The following PGBD2 variants were observed in gnomAD, a reference collection of about 807,000 sequenced individuals.
The protein encoded by PGBD2 is piggyBac transposable element-derived protein 2.
Under a neutral mutation model 8.1 loss-of-function variants are expected in PGBD2, and 6 were observed. That is an observed-to-expected ratio of 0.74 (90% CI 0.40 to 1.46). The LOEUF (loss-of-function observed/expected upper bound fraction) is 1.46. PGBD2 is among the 40% of genes most tolerant of loss of function. PGBD2 has a pLI of 0.02. For missense variants in PGBD2, 802 were observed against 739.0 expected, an observed-to-expected ratio of 1.09 and a Z score of -0.99; for synonymous variants, 318 against 272.2, an observed-to-expected ratio of 1.17 and a Z score of -1.66.
At chr1:248,892,064 A>G in the PGBD2 span, among the ~76,000 whole-genome samples, 1 of 152,236 alleles carries the variant, frequency 6.6e-6, no homozygotes, top group African/African-American at 2.4e-5. Context: ...AGTTGAGGAC[A>G]GGCCTGCCTG....
the PGBD2 span, among the ~76,000 whole-genome samples, chr1:248,879,388 A>G: frequency 6.6e-6 from 1 of 152,016 alleles, no homozygotes; most frequent in South Asian, 2.1e-4. Flanking sequence ...TGGCCTTTGA[A>G]TGATCTTTTT....
the PGBD2 span, among the ~76,000 whole-genome samples, chr1:248,898,568 C>A: frequency 6.6e-6 from 1 of 152,300 alleles, no homozygotes; most frequent in South Asian, 2.1e-4. Context: ...TGAGGGAATT[C>A]ATCACCACCA....
At chr1:248,878,384 G>A in the PGBD2 span, among the ~76,000 whole-genome samples, 8 of 151,952 alleles carry the variant, frequency 5.3e-5, no homozygotes, top group Admixed American at 2.6e-4. Flanking sequence ...TCACTATGTT[G>A]GCCAGGCTGG....
At chr1:248,922,015 C>T (rs1012933201), downstream of PGBD2, among the ~76,000 whole-genome samples, 3 of 151,174 alleles carry the variant, frequency 2.0e-5, no homozygotes, top group African/African-American at 7.3e-5. Context: ...TGCCTATCAG[C>T]TTAAGGAGAT....
At chr1:248,913,926 C>T (rs761232746) in intron 2 of PGBD2, 47 bp downstream of exon 2, 7 of 1,552,230 alleles carry the variant, frequency 4.5e-6, no homozygotes, top group Middle Eastern at 3.4e-4. Context: ...ATTTATTCCC[C>T]TATGCTTTTG....
chr1:248,875,308 C>CAAAAAAAAAAAAAAAAAAAAAA, the PGBD2 span, among the ~76,000 whole-genome samples: 85 of 109,942 alleles, frequency 7.7e-4, no homozygotes, highest in Non-Finnish European at 1.0e-3. Context: ...AAAAACAAAA[C>CAAAAAAAAAAAAAAAAAAAAAA]AAAAAAAAAA....
chr1:248,916,070 A>G (rs1413152493), intron 2 of PGBD2, among the ~76,000 whole-genome samples: 1 of 152,168 alleles, frequency 6.6e-6, no homozygotes, highest in African/African-American at 2.4e-5. Flanking sequence ...GGAAGTAGGT[A>G]AGACCCGTTT....
chr1:248,919,984 C>T (rs981239802), downstream of PGBD2: 5 of 152,190 alleles, frequency 3.3e-5, no homozygotes, highest in African/African-American at 1.2e-4. Context: ...TCAAGTGATT[C>T]TCCTGCCTCA....
At chr1:248,896,668 T>G in the PGBD2 span, among the ~76,000 whole-genome samples, 29 of 152,166 alleles carry the variant, frequency 1.9e-4, no homozygotes, top group Non-Finnish European at 3.8e-4. Flanking sequence ...AAATTACTGA[T>G]TAGAAGCAGC....
In PGBD2 at chr1:248,916,984, C is replaced by G; in HGVS notation, c.400C>G (p.Leu134Val). 1 of 1,612,540 alleles carries G rather than the reference C, an allele frequency of 6.2e-7. No homozygotes were observed. The highest frequency in any genetic ancestry group is 8.5e-7 in the Non-Finnish European group (1 of 1,179,638). ...WTASDPHIED[L>V]KSQELSPVGL... Reference sequence around the variant, plus strand: ...TGCATCAGATCCTCATATTGAGGATCTGAAAAGCCAAGAGCTGAGTCCCGT... The same window carrying G: ...TGCATCAGATCCTCATATTGAGGATGTGAAAAGCCAAGAGCTGAGTCCCGT... The change falls in exon 3 of 3, where the codon CTG becomes GTG. Residue 134 changes from leucine (L) to valine (V), a missense_variant. Coordinates refer to ENST00000329291, the MANE Select transcript of PGBD2 (RefSeq NM_170725.3).
rs779346619 is a variant in PGBD2, at chr1:248,919,063, C to G, written c.*700C>G. ...AGGGTAAATGGGGTATCCATCTTGT[C>G]AAACACTTGTCCTTTGTGTTTCAAA... is the stretch of plus-strand genomic sequence containing the variant. On this transcript the variant is annotated 3_prime_UTR_variant, in exon 3 of 3. Coordinates refer to ENST00000329291, the MANE Select transcript of PGBD2 (RefSeq NM_170725.3). 3.8e-4 allele frequency: 63 copies of G among 167,026 alleles called. No individual in the cohort carries two copies. Among genetic ancestry groups the G allele is most frequent in the Non-Finnish European group, 7.8e-4 (53 of 68,108 alleles). The allele number at this position is 167,026 out of a possible 1,614,324, so 10.3% of individuals were successfully genotyped here.
chr1:248,883,750 C>G, the PGBD2 span, among the ~76,000 whole-genome samples: 6 of 151,824 alleles, frequency 4.0e-5, no homozygotes, highest in Non-Finnish European at 7.4e-5. Flanking sequence ...GCGCCCGCCA[C>G]GATGCCCAGC....
intron 1 of PGBD2, among the ~76,000 whole-genome samples, chr1:248,911,643 A>G (rs6697000): frequency 6.9e-4 from 75 of 108,908 alleles, no homozygotes; most frequent in East Asian, 1.5e-3. Context: ...CACACCTCCC[A>G]GACGGGGCGG....
rs1572282372 is a variant in PGBD2, at chr1:248,918,176, C to T, written c.1592C>T (p.Thr531Ile). 1 of 1,614,192 alleles carries T rather than the reference C, an allele frequency of 6.2e-7. No individual in the cohort carries two copies. The highest frequency in any genetic ancestry group is 1.1e-5 in the South Asian group (1 of 91,082). The change falls in exon 3 of 3, where the codon ACA (threonine) becomes ATA (isoleucine). Residue 531 changes from threonine (T) to isoleucine (I), a missense_variant. By Grantham distance (89) the Thr-to-Ile change is moderately conservative. Coordinates refer to ENST00000329291, the MANE Select transcript of PGBD2 (RefSeq NM_170725.3). ...ACVYLESNAD[T>I]TSQGRRSRRL... ...GTGTATCTGGAGAGCAATGCTGACA[C>T]AACATCTCAAGGGAGGCGAAGCAGG... is the stretch of plus-strand genomic sequence containing the variant.
At chr1:248,909,305 C>T (rs1241029554) in intron 1 of PGBD2, among the ~76,000 whole-genome samples, 2 of 152,132 alleles carry the variant, frequency 1.3e-5, no homozygotes, top group Non-Finnish European at 2.9e-5. Flanking sequence ...TATGTATCCC[C>T]CTCTGACCTG....
At chr1:248,914,482 G>C in intron 2 of PGBD2, 1 of 1,288,450 alleles carries the variant, frequency 7.8e-7, no homozygotes, top group South Asian at 1.2e-5. Context: ...GGTCAGCATG[G>C]CAGCTGACAG....
intron 1 of PGBD2, among the ~76,000 whole-genome samples, chr1:248,912,064 C>T (rs1220257515): frequency 1.3e-5 from 2 of 152,164 alleles, no homozygotes; most frequent in Non-Finnish European, 1.5e-5. Flanking sequence ...TGCCAGCAGT[C>T]ATCACCATTT....
intron 1 of PGBD2, among the ~76,000 whole-genome samples, chr1:248,911,038 GC>G (rs530855340): frequency 3.3e-5 from 5 of 151,442 alleles, no homozygotes; most frequent in East Asian, 1.9e-4. Flanking sequence ...AGCCCTATTT[GC>G]CCCCCCATCT....
the PGBD2 span, among the ~76,000 whole-genome samples, chr1:248,899,797 G>GAA: frequency 6.5e-4 from 82 of 125,886 alleles, 1 homozygote; most frequent in African/African-American, 2.2e-3. Context: ...TTTTTTTTGG[G>GAA]AAAAAAAAAA....
Sources: gnomAD v4.1 joint callset for allele counts (sites outside exome capture counted in the v4.1 genomes callset) on GRCh38, gnomAD v4.1.1 for gene constraint, MANE v1.5 for transcripts, NCBI Gene and HGNC (gene_info 2026-07-23, HGNC 2026-07-21) for gene names.